Variants in ABCD3 observed in about 807,000 individuals in gnomAD.
ABCD3 encodes ATP binding cassette subfamily D member 3.
Under a neutral mutation model 105.5 loss-of-function variants are expected in ABCD3, and 41 were observed. The ratio of observed to expected loss-of-function variants is 0.39; its 90% CI spans 0.30 to 0.50. ABCD3 has a LOEUF of 0.50. ABCD3 is among the 20% of genes least tolerant of loss of function. The pLI, the probability that ABCD3 is intolerant of heterozygous loss-of-function variation, is 0.84. For missense variants in ABCD3, 622 were observed against 806.3 expected, an observed-to-expected ratio of 0.77 and a Z score of 2.77; for synonymous variants, 258 against 269.0, an observed-to-expected ratio of 0.96 and a Z score of 0.40.
intron 1 of ABCD3, among the ~76,000 whole-genome samples, chr1:94,425,877 G>A (rs1171791697): frequency 6.6e-6 from 1 of 152,192 alleles, no homozygotes; most frequent in African/African-American, 2.4e-5. Flanking sequence ...AGAGTCAGAT[G>A]TAGGTTCAAT....
the ABCD3 span, among the ~76,000 whole-genome samples, chr1:94,387,039 G>A: frequency 6.6e-6 from 1 of 152,124 alleles, no homozygotes. Context: ...TTCAGTAGAT[G>A]TGCTCACAGA....
chr1:94,393,487 A>T, the ABCD3 span, among the ~76,000 whole-genome samples: 1 of 151,910 alleles, frequency 6.6e-6, no homozygotes, highest in African/African-American at 2.4e-5. Context: ...AAAAATACAA[A>T]AATTAGCCAG....
chr1:94,388,996 A>G, the ABCD3 span, among the ~76,000 whole-genome samples: 3 of 152,128 alleles, frequency 2.0e-5, no homozygotes, highest in Non-Finnish European at 4.4e-5. Flanking sequence ...GCTTCCAACC[A>G]TATTGGGCAA....
At chr1:94,420,160 C>T (rs1004869847) in intron 1 of ABCD3, among the ~76,000 whole-genome samples, 1 of 152,050 alleles carries the variant, frequency 6.6e-6, no homozygotes, top group African/African-American at 2.4e-5. Flanking sequence ...ATATAGTACA[C>T]ATAGAGCTTG....
Position 94,517,078 on chromosome 1 carries a change from C to G in ABCD3, c.1929C>G (p.Gly643=), listed in dbSNP as rs147055150. The G allele has an allele frequency of 1.0e-4, 163 of 1,610,942 alleles. No individual in the cohort carries two copies. In the African/African-American group the frequency reaches 2.0e-3, roughly 20 times the overall value. ...HEYYLHMDGR[G]NYEFKQITED... ...ACTACCTGCATATGGATGGCAGAGG[C>G]AACTATGAATTCAAACAGATAACAG... The change falls in exon 23 of 23, where the codon GGC becomes GGG. Residue 643 remains glycine, a synonymous_variant. Coordinates refer to ENST00000370214, the MANE Select transcript of ABCD3 (RefSeq NM_002858.4).
chr1:94,506,734 CTAAG>C, intron 21 of ABCD3, 92 bp downstream of exon 21: 1 of 870,128 alleles, frequency 1.1e-6, no homozygotes, highest in Non-Finnish European at 1.9e-6. Context: ...TTCCAGGTCA[CTAAG>C]TAACAAAATT....
At chr1:94,467,830 T>G (rs939962868) in intron 3 of ABCD3, 89 bp from the exon 4 acceptor site, 1 of 905,214 alleles carries the variant, frequency 1.1e-6, no homozygotes, top group African/African-American at 1.6e-5. Flanking sequence ...AAGCTTTAGA[T>G]TTGGAAACCA....
At chr1:94,478,506 T>A in intron 8 of ABCD3, 191 bp downstream of exon 8, 1 of 1,533,040 alleles carries the variant, frequency 6.5e-7, no homozygotes, top group Non-Finnish European at 9.0e-7. Flanking sequence ...TTTTTCTTTT[T>A]AATTTTCCTT....
intron 20 of ABCD3, 101 bp downstream of exon 20, chr1:94,499,715 T>A (rs2101042779): frequency 7.2e-7 from 1 of 1,391,080 alleles, no homozygotes; most frequent in South Asian, 1.2e-5. Flanking sequence ...ATTCAGCAGC[T>A]GTTTCAGTAT....
intron 16 of ABCD3, among the ~76,000 whole-genome samples, chr1:94,494,968 T>G (rs936877248): frequency 6.6e-6 from 1 of 152,060 alleles, no homozygotes; most frequent in Non-Finnish European, 1.5e-5. Context: ...TTGGTCCTGG[T>G]TACGCAGGCG....
chr1:94,421,290 A>C (rs997571329), intron 1 of ABCD3, among the ~76,000 whole-genome samples: 1 of 152,120 alleles, frequency 6.6e-6, no homozygotes, highest in Non-Finnish European at 1.5e-5. Context: ...ACATTTTTTA[A>C]ACAAATGGAT....
intron 1 of ABCD3, among the ~76,000 whole-genome samples, chr1:94,452,667 G>A (rs1647313637): frequency 6.6e-6 from 1 of 152,012 alleles, no homozygotes; most frequent in Admixed American, 6.5e-5. Context: ...GTGTAAGTGG[G>A]AATAGTTTGT....
chr1:94,491,327 T>C, intron 16 of ABCD3, 80 bp downstream of exon 16: 1 of 1,099,112 alleles, frequency 9.1e-7, no homozygotes, highest in Non-Finnish European at 1.4e-6. Flanking sequence ...ATATTTAAAG[T>C]AACTTTAAGG....
At chr1:94,405,263 AG>A in the ABCD3 span, among the ~76,000 whole-genome samples, 1 of 150,488 alleles carries the variant, frequency 6.6e-6, no homozygotes, top group African/African-American at 2.4e-5. Flanking sequence ...GCAATGCATG[AG>A]GGTATTTATT....
chr1:94,439,923 C>T (rs1474250960), intron 1 of ABCD3, among the ~76,000 whole-genome samples: 5 of 152,138 alleles, frequency 3.3e-5, no homozygotes, highest in Non-Finnish European at 7.3e-5. Flanking sequence ...AGTGGCTATT[C>T]ACAGGTGCAA....
intron 8 of ABCD3, among the ~76,000 whole-genome samples, chr1:94,479,129 G>A (rs1648910279): frequency 6.6e-6 from 1 of 152,086 alleles, no homozygotes; most frequent in African/African-American, 2.4e-5. Flanking sequence ...CAGGGTTTTG[G>A]TTTTGCTTTG....
At chr1:94,504,993 G>A (rs1650279274) in intron 20 of ABCD3, among the ~76,000 whole-genome samples, 1 of 152,108 alleles carries the variant, frequency 6.6e-6, no homozygotes, top group Admixed American at 6.6e-5. Context: ...GACCAGACCA[G>A]GGAGGACTCC....
chr1:94,400,441 T>C, the ABCD3 span, among the ~76,000 whole-genome samples: 2 of 151,396 alleles, frequency 1.3e-5, no homozygotes, highest in Non-Finnish European at 2.9e-5. Flanking sequence ...AAGTCATTGA[T>C]AAAATATGTG....
the ABCD3 span, among the ~76,000 whole-genome samples, chr1:94,388,350 T>G: frequency 6.6e-6 from 1 of 152,088 alleles, no homozygotes; most frequent in Non-Finnish European, 1.5e-5. Context: ...AGATTATGAA[T>G]GATTGATGCA....
Sources: allele counts gnomAD v4.1 joint callset (sites outside exome capture counted in the v4.1 genomes callset), GRCh38; gene constraint gnomAD v4.1.1; transcripts MANE v1.5; gene names NCBI Gene and HGNC (gene_info 2026-07-23, HGNC 2026-07-21).